CACNA1I: variants seen among roughly 807,000 people sequenced by gnomAD.
CACNA1I encodes the protein calcium voltage-gated channel subunit alpha1 I, also known as voltage-dependent T-type calcium channel subunit alpha-1I.
A neutral mutation model predicts 201.6 loss-of-function variants in CACNA1I; 74 were observed. That is an observed-to-expected ratio of 0.37 (90% CI 0.30 to 0.45). The LOEUF (loss-of-function observed/expected upper bound fraction) is 0.45. CACNA1I is among the 20% of genes least tolerant of loss of function. The pLI is 1.00. For synonymous variants in CACNA1I, 1,431 were observed against 1,345.2 expected (o/e 1.06, Z -1.40); for missense variants, 2,346 against 3,138.1 (o/e 0.75, Z 6.03).
intron 25 of CACNA1I, among the ~76,000 whole-genome samples, 177 bp downstream of exon 25, chr22:39,670,407 TGTCCATCCAGA>T (rs1322590558): frequency 2.6e-5 from 4 of 152,178 alleles, no homozygotes; most frequent in Non-Finnish European, 5.9e-5. Flanking sequence ...GCCCCATCAG[TGTCCATCCAGA>T]GTCCAATGGC....
At chr22:39,647,749 G>A (rs1334134465) in intron 8 of CACNA1I, 73 bp from the exon 9 acceptor site, 15 of 1,080,724 alleles carry the variant, frequency 1.4e-5, no homozygotes, top group Non-Finnish European at 2.1e-5. Context: ...GGGCTGCCCT[G>A]TTGGTTGCCT....
At chr22:39,594,477 G>T (rs1385110307) in intron 1 of CACNA1I, among the ~76,000 whole-genome samples, 1 of 152,166 alleles carries the variant, frequency 6.6e-6, no homozygotes, top group African/African-American at 2.4e-5. Context: ...AGGCTCGAAG[G>T]GGGCCCTGGC....
chr22:39,636,458 C>T (rs200924665), intron 5 of CACNA1I, among the ~76,000 whole-genome samples: 143 of 152,356 alleles, frequency 9.4e-4, no homozygotes, highest in South Asian at 1.7e-3. Context: ...GCTTCATTCT[C>T]TTAGGGTGGG....
intron 5 of CACNA1I, among the ~76,000 whole-genome samples, chr22:39,639,584 A>G (rs1348514408): frequency 6.6e-6 from 1 of 152,222 alleles, no homozygotes; most frequent in Non-Finnish European, 1.5e-5. Flanking sequence ...TCAATATAAC[A>G]ATTAAAAATG....
chr22:39,649,397 G>C lies in CACNA1I; in HGVS notation c.1568-104G>C. On this transcript the variant is annotated intron_variant, in intron 9 of 36. Transcript: ENST00000402142. The surrounding 1 kb of genome is among the most constrained non-coding windows in gnomAD (Gnocchi z 7.3). ...TCCAGGCTGGGTCGGCTGGTTCCAG[G>C]CAGACCTGTGGGCCTGGGAGCCAAG... 4.8e-6 allele frequency: 6 copies of C among 1,240,030 alleles called. No individual in the cohort carries two copies. The highest frequency in any genetic ancestry group is 6.5e-6 in the Non-Finnish European group (6 of 918,692). The allele number at this position is 1,240,030 out of a possible 1,614,324, so 76.8% of individuals were successfully genotyped here.
intron 2 of CACNA1I, among the ~76,000 whole-genome samples, chr22:39,600,134 G>A (rs1289703240): frequency 2.0e-5 from 3 of 152,164 alleles, no homozygotes; most frequent in African/African-American, 7.2e-5. Context: ...GACTACCCAT[G>A]GGGTCCTTGG....
Position 39,685,672 on chromosome 22 carries a change from T to G in CACNA1I, c.6028-89T>G. ...GGGAGCTCCTTGGATGGGGTCTGCC[T>G]GCTGCCTGCTGTGCGGGGGAGGGCG... On this transcript the variant is annotated intron_variant, in intron 36 of 36. Coordinates refer to ENST00000402142, the MANE Select transcript of CACNA1I (RefSeq NM_021096.4). The surrounding 1 kb of genome is among the most constrained non-coding windows in gnomAD (Gnocchi z 5.0). 5 of 1,132,178 alleles carry G rather than the reference T, an allele frequency of 4.4e-6. No individual in the cohort carries two copies. Among genetic ancestry groups the G allele is most frequent in the Non-Finnish European group, 5.8e-6 (5 of 858,530 alleles). The allele number at this position is 1,132,178 out of a possible 1,614,324, so 70.1% of individuals were successfully genotyped here.
In CACNA1I at chr22:39,661,190, T is replaced by C; in HGVS notation, c.2781T>C (p.Ala927=). The change falls in exon 16 of 37, where the codon GCT becomes GCC. Residue 927 remains alanine, a synonymous_variant. Coordinates refer to ENST00000402142, the MANE Select transcript of CACNA1I (RefSeq NM_021096.4). ...SLPLGGHLGP[A]GAAGPAPRLS... is the part of the protein sequence containing the mutation. ...CACTGGGTGGGCACCTAGGTCCTGC[T>C]GGGGCTGCGGGACCTGCCCCCCGAC... 4 of 1,612,696 alleles carry C rather than the reference T, an allele frequency of 2.5e-6. No individual in the cohort carries two copies. Among genetic ancestry groups the C allele is most frequent in the Non-Finnish European group, 3.4e-6 (4 of 1,179,528 alleles).
At chr22:39,639,018 T>C (rs1174185094) in intron 5 of CACNA1I, among the ~76,000 whole-genome samples, 3 of 152,162 alleles carry the variant, frequency 2.0e-5, no homozygotes, top group Non-Finnish European at 2.9e-5. Flanking sequence ...GGCCCCGGGG[T>C]TTGGGGACCC....
At chr22:39,572,280 G>C (rs993467210) in intron 1 of CACNA1I, among the ~76,000 whole-genome samples, 1 of 152,102 alleles carries the variant, frequency 6.6e-6, no homozygotes, top group African/African-American at 2.4e-5. Flanking sequence ...GTGGCCTTGT[G>C]GTTTGAGGGT....
chr22:39,598,716 G>T (rs1392304084), intron 2 of CACNA1I, among the ~76,000 whole-genome samples: 1 of 152,000 alleles, frequency 6.6e-6, no homozygotes, highest in African/African-American at 2.4e-5. Context: ...TTCACACCCT[G>T]CCCTAGATGC....
At chr22:39,578,711 A>G (rs1406360522) in intron 1 of CACNA1I, among the ~76,000 whole-genome samples, 1 of 151,994 alleles carries the variant, frequency 6.6e-6, no homozygotes, top group Non-Finnish European at 1.5e-5. Flanking sequence ...TTGTGTGCTG[A>G]TTCTTTCCTC....
At chr22:39,682,433 G>A in intron 34 of CACNA1I, 63 bp from the exon 35 acceptor site, 5 of 1,414,392 alleles carry the variant, frequency 3.5e-6, no homozygotes, top group African/African-American at 1.4e-5. Context: ...CAGGTCATGA[G>A]GTACCCTTCA....
Position 39,684,184 on chromosome 22 carries a change from G to A in CACNA1I, c.5831-118G>A, listed in dbSNP as rs1007761630. 2.2e-5 allele frequency: 17 copies of A among 776,260 alleles called. No individual in the cohort carries two copies. The highest frequency in any genetic ancestry group is 4.7e-4 in the Middle Eastern group (2 of 4,270). 48.1% of individuals were successfully genotyped at this position (776,260 alleles called of 1,614,324 possible). On this transcript the variant is annotated intron_variant, in intron 35 of 36. Transcript: ENST00000402142. This position sits in a 1 kb window ranked among gnomAD's most constrained non-coding sequence, Gnocchi z 4.6. ...GGACTTGTCCACAGTCTCACAGTCA[G>A]TTTATTAGGTGGCCCCTCACTGCTG...
rs562389572 is a variant in CACNA1I at position 39,618,738 on chromosome 22, G to C, written c.483-572G>C. 2.8e-4 allele frequency among the ~76,000 whole-genome samples: 43 copies of C among 152,070 alleles called. 1 individual carries two copies. In the South Asian group the frequency reaches 8.7e-3, roughly 31 times the overall value. On this transcript the variant is annotated intron_variant, in intron 3 of 36. Coordinates refer to ENST00000402142, the MANE Select transcript of CACNA1I (RefSeq NM_021096.4). The stretch of plus-strand genomic sequence containing the variant: ...AGGGTCTGGTGATGGGGGGCAGGGG[G>C]GGTCATCCTGGAAATGCAGGCCGGG...
chr22:39,661,219 C>T lies in CACNA1I; in HGVS notation c.2810C>T (p.Ser937Leu), dbSNP rs1467307319. The T allele has an allele frequency of 6.2e-7, 1 of 1,612,080 alleles. No individual in the cohort carries two copies. The highest frequency in any genetic ancestry group is 8.5e-7 in the Non-Finnish European group (1 of 1,179,320). ...GCTGCGGGACCTGCCCCCCGACTCT[C>T]ACTGCAGCCGGACCCCATGCTGGTG... ...AGAAGPAPRL[S>L]LQPDPMLVAL... is the part of the protein sequence containing the mutation. The change falls in exon 16 of 37, where the codon TCA becomes TTA. Residue 937 changes from serine (S) to leucine (L), a missense_variant. By Grantham distance (145) the Ser-to-Leu change is moderately radical. Around this residue, in one of 13 missense-constraint regions of CACNA1I, gnomAD observed 92 missense variants for 114.5 expected, o/e 0.80. Coordinates refer to ENST00000402142, the MANE Select transcript of CACNA1I (RefSeq NM_021096.4).
At position 39,670,073 on chromosome 22, in the gene CACNA1I, C is replaced by T. The variant is rs1395870086; in HGVS notation, c.4230C>T (p.Tyr1410=). The T allele has an allele frequency of 6.2e-7, 1 of 1,612,838 alleles. No individual in the cohort carries two copies. Among genetic ancestry groups the T allele is most frequent in the Admixed American group, 1.7e-5 (1 of 60,010 alleles). Residue 1410 remains tyrosine, a synonymous_variant, in exon 25 of 37, where the codon TAC becomes TAT. Coordinates refer to ENST00000402142, the MANE Select transcript of CACNA1I (RefSeq NM_021096.4). ...VTNHNPWMLL[Y]FISFLLIVSF... Reference sequence around the variant, plus strand: ...ACCACAACCCCTGGATGCTGCTGTACTTCATCTCCTTCCTGCTCATCGTCA... The same window carrying T: ...ACCACAACCCCTGGATGCTGCTGTATTTCATCTCCTTCCTGCTCATCGTCA...
chr22:39,617,142 C>T (rs936926575), intron 3 of CACNA1I, among the ~76,000 whole-genome samples: 4 of 152,208 alleles, frequency 2.6e-5, no homozygotes, highest in Non-Finnish European at 5.9e-5. Flanking sequence ...GTGCCCGGCA[C>T]CCAGTAGGGT....
intron 4 of CACNA1I, among the ~76,000 whole-genome samples, chr22:39,633,177 C>G (rs1934111277): frequency 6.6e-6 from 1 of 152,140 alleles, no homozygotes; most frequent in African/African-American, 2.4e-5. Context: ...CATGACTTAT[C>G]ACATCATTCA....
Sources: gnomAD v4.1 joint callset for allele counts (sites outside exome capture counted in the v4.1 genomes callset) on GRCh38, gnomAD v4.1.1 for gene constraint, gnomAD v4.1.1 regional missense constraint, Gnocchi (gnomAD v3.1) non-coding constraint, MANE v1.5 for transcripts, NCBI Gene and HGNC (gene_info 2026-07-23, HGNC 2026-07-21) for gene names.